The following NCAM1 variants were observed in gnomAD, a reference collection of about 807,000 sequenced individuals.
NCAM1 encodes antigen recognized by monoclonal antibody 5.1H11.
Under a neutral mutation model 109.8 loss-of-function variants are expected in NCAM1, and 14 were observed. The observed-to-expected ratio is 0.13, with a 90% CI of 0.08 to 0.20. The LOEUF is 0.20. Ranked by LOEUF, NCAM1 falls within the 10% of genes least tolerant of loss-of-function variation. The pLI, the probability that NCAM1 is intolerant of heterozygous loss-of-function variation, is 1.00. For missense variants in NCAM1, 774 were observed against 1,109.9 expected, an observed-to-expected ratio of 0.70 and a Z score of 4.30; for synonymous variants, 418 against 442.9, an observed-to-expected ratio of 0.94 and a Z score of 0.70.
chr11:112,986,341 T>C (rs1555069663), intron 1 of NCAM1, among the ~76,000 whole-genome samples: 4 of 151,572 alleles, frequency 2.6e-5, no homozygotes, highest in Non-Finnish European at 5.9e-5. Flanking sequence ...TTTGCATCTA[T>C]ATTACTTAGG....
intron 19 of NCAM1, among the ~76,000 whole-genome samples, 181 bp from the exon 20 acceptor site, chr11:113,275,086 G>A (rs531640962): frequency 7.9e-5 from 12 of 152,306 alleles, no homozygotes; most frequent in South Asian, 6.2e-4. Flanking sequence ...GGATTTCCGC[G>A]AACACAGCTC....
At chr11:113,121,114 G>A (rs2136034083) in intron 1 of NCAM1, among the ~76,000 whole-genome samples, 1 of 152,140 alleles carries the variant, frequency 6.6e-6, no homozygotes, top group African/African-American at 2.4e-5. Flanking sequence ...AAAGAACTGT[G>A]TGATCCTGTG....
intron 13 of NCAM1, among the ~76,000 whole-genome samples, chr11:113,234,029 A>G (rs1591443085): frequency 6.6e-6 from 1 of 152,068 alleles, no homozygotes; most frequent in Non-Finnish European, 1.5e-5. Context: ...TATCAGTATC[A>G]CAGCCATTCA....
At chr11:113,252,429 T>C (rs1945710005) in intron 15 of NCAM1, among the ~76,000 whole-genome samples, 1 of 146,066 alleles carries the variant, frequency 6.8e-6, no homozygotes, top group African/African-American at 2.5e-5. Flanking sequence ...AAAAAAGTCA[T>C]AGGAAGCATT....
chr11:113,243,818 G>A (rs1231059977), intron 14 of NCAM1: 2 of 235,162 alleles, frequency 8.5e-6, no homozygotes, highest in Non-Finnish European at 1.8e-5. Context: ...CCAGCTCCCC[G>A]GGCCAAGCTT....
At chr11:113,048,508 C>T (rs1442063232) in intron 1 of NCAM1, among the ~76,000 whole-genome samples, 3 of 152,218 alleles carry the variant, frequency 2.0e-5, no homozygotes, top group Admixed American at 2.0e-4. Context: ...CGGATGTCAG[C>T]TCACATTTTG....
intron 18 of NCAM1, 107 bp from the exon 19 acceptor site, chr11:113,271,653 C>T: frequency 2.8e-6 from 2 of 714,052 alleles, no homozygotes; most frequent in Non-Finnish European, 2.3e-6. Flanking sequence ...AATCTGTTGG[C>T]TCTGGATGCC....
At chr11:113,167,992 G>A (rs1220852252) in intron 1 of NCAM1, among the ~76,000 whole-genome samples, 2 of 152,152 alleles carry the variant, frequency 1.3e-5, no homozygotes, top group East Asian at 1.9e-4. Flanking sequence ...CTGTATGTAT[G>A]TTAGGGTGTG....
intron 1 of NCAM1, among the ~76,000 whole-genome samples, chr11:112,981,738 A>G (rs1419813576): frequency 1.3e-5 from 2 of 151,904 alleles, no homozygotes; most frequent in Non-Finnish European, 2.9e-5. Context: ...GAAATTAAGG[A>G]ATTTGAAGAA....
intron 1 of NCAM1, among the ~76,000 whole-genome samples, chr11:113,025,714 T>G: frequency 9.6e-6 from 1 of 103,628 alleles, no homozygotes; most frequent in African/African-American, 3.6e-5. Context: ...TGAGACCACA[T>G]CTCACAAAAA....
At chr11:113,068,454 G>A (rs551744516) in intron 1 of NCAM1, among the ~76,000 whole-genome samples, 1 of 152,242 alleles carries the variant, frequency 6.6e-6, no homozygotes, top group South Asian at 2.1e-4. Flanking sequence ...CATGGCACCT[G>A]GGATGTCCTT....
At chr11:113,044,123 C>T (rs1953179559) in intron 1 of NCAM1, among the ~76,000 whole-genome samples, 1 of 152,056 alleles carries the variant, frequency 6.6e-6, no homozygotes, top group Non-Finnish European at 1.5e-5. Context: ...CGTTTCTCCC[C>T]AGGCAAGGAG....
At chr11:113,262,714 C>T in intron 17 of NCAM1, 57 of 984,518 alleles carry the variant, frequency 5.8e-5, no homozygotes, top group South Asian at 3.1e-4. Context: ...CTTCCCTTTC[C>T]TTCTGTCCCC....
intron 1 of NCAM1, among the ~76,000 whole-genome samples, chr11:113,068,869 T>C (rs1196761837): frequency 1.3e-5 from 2 of 152,146 alleles, no homozygotes; most frequent in Admixed American, 1.3e-4. Flanking sequence ...TAATAGTATG[T>C]AGTCATATTG....
At chr11:113,094,509 C>T (rs1555089972) in intron 1 of NCAM1, among the ~76,000 whole-genome samples, 2 of 152,152 alleles carry the variant, frequency 1.3e-5, no homozygotes, top group African/African-American at 4.8e-5. Flanking sequence ...GCTTGTGAAA[C>T]CTTAAGGCTT....
chr11:112,997,963 T>C (rs545980397), intron 1 of NCAM1, among the ~76,000 whole-genome samples: 9 of 152,260 alleles, frequency 5.9e-5, no homozygotes, highest in African/African-American at 1.7e-4. Context: ...AGGAGGTGGG[T>C]TGGCCTGCCT....
At chr11:113,008,209 G>A (rs1327030500) in intron 1 of NCAM1, among the ~76,000 whole-genome samples, 1 of 152,094 alleles carries the variant, frequency 6.6e-6, no homozygotes, top group Non-Finnish European at 1.5e-5. Flanking sequence ...GACACTTTTT[G>A]ATAGAGGATC....
intron 1 of NCAM1, among the ~76,000 whole-genome samples, chr11:113,041,375 A>T (rs540606134): frequency 4.6e-5 from 7 of 152,320 alleles, no homozygotes; most frequent in South Asian, 2.1e-4. Flanking sequence ...GCATGCTGGT[A>T]TATAGTCTGT....
In NCAM1 at chr11:113,221,246, T is replaced by C. The variant is rs782497116; in HGVS notation, c.1060-50T>C. The C allele has an allele frequency of 7.1e-6, 11 of 1,544,254 alleles. No homozygotes were observed. The Admixed American group carries it at 2.2e-4, about 30-fold the overall frequency. ...TGATACATTCTCTAAAGCAACATGT[T>C]GTAAAATTTTACTGCTTTCTTGTTG... On this transcript the variant is annotated intron_variant, in intron 8 of 19. Coordinates refer to ENST00000316851, the MANE Select transcript of NCAM1 (RefSeq NM_181351.5).
Sources: gnomAD v4.1 joint callset for allele counts (sites outside exome capture counted in the v4.1 genomes callset) on GRCh38, gnomAD v4.1.1 for gene constraint, MANE v1.5 for transcripts, NCBI Gene and HGNC (gene_info 2026-07-23, HGNC 2026-07-21) for gene names.